Variants in IGSF22 observed in about 807,000 individuals in gnomAD.
IGSF22 encodes immunoglobulin superfamily member 22, also known as immunoglobulin superfamily, member 22.
In IGSF22, 119 loss-of-function variants were observed where a neutral mutation model predicts 127.0. The ratio of observed to expected loss-of-function variants is 0.94; its 90% CI spans 0.81 to 1.09. The LOEUF (loss-of-function observed/expected upper bound fraction) is 1.09. Among genes scored for constraint, IGSF22 ranks in the 50% least tolerant of loss-of-function variants. IGSF22 has a pLI of 0.00. For synonymous variants in IGSF22, 568 were observed against 664.7 expected, an observed-to-expected ratio of 0.85 and a Z score of 2.24; for missense variants, 1,518 against 1,716.6, an observed-to-expected ratio of 0.88 and a Z score of 2.04.
At chr11:18,722,162 G>A (rs914292318) in intron 2 of IGSF22, 121 bp from the exon 3 acceptor site, 22 of 1,181,906 alleles carry the variant, frequency 1.9e-5, no homozygotes, top group Non-Finnish European at 2.4e-5. Context: ...AGGGAAGTGG[G>A]AGCAGGACCA....
chr11:18,706,172 GTGA>G lies in IGSF22; in HGVS notation c.3581-29_3581-27del, dbSNP rs768843445. The stretch of plus-strand genomic sequence containing the variant: ...CTGCGCGGGCGGGGCGGGGCAGGCC[GTGA>G]GGGCGCCCCAAGGCCCCCACCCACC... On this transcript the variant is annotated intron_variant, in intron 21 of 22. Transcript: ENST00000513874. 296 of 1,518,842 alleles carry G rather than the reference GTGA, an allele frequency of 1.9e-4. 9 individuals are homozygous for G. In the South Asian group the frequency reaches 3.5e-3, roughly 18 times the overall value. The allele number at this position is 1,518,842 out of a possible 1,614,324, so 94.1% of individuals were successfully genotyped here. A position where few individuals can be genotyped will look rare whatever the true frequency, so the allele number is the denominator to read the frequency against.
At position 18,709,271 on chromosome 11, in the gene IGSF22, G is replaced by A; in HGVS notation, c.2998+116C>T. ...ACTTTGTCCAGGCACAACAACTATGGATGACTTTTTCATGATCCTAGCATC... is the reference window on the plus strand; with the variant it reads ...ACTTTGTCCAGGCACAACAACTATGAATGACTTTTTCATGATCCTAGCATC... On this transcript the variant is annotated intron_variant, in intron 18 of 22. Coordinates refer to ENST00000513874, the MANE Select transcript of IGSF22 (RefSeq NM_173588.4). The surrounding 1 kb of genome is among the most constrained non-coding windows in gnomAD (Gnocchi z 4.8). The A allele has an allele frequency of 9.0e-7, 1 of 1,109,700 alleles. No homozygotes were observed. Among genetic ancestry groups the A allele is most frequent in the Non-Finnish European group, 1.3e-6 (1 of 778,834 alleles). The allele number at this position is 1,109,700 out of a possible 1,614,324, so 68.7% of individuals were successfully genotyped here. A position where few individuals can be genotyped will look rare whatever the true frequency, so the allele number is the denominator to read the frequency against.
chr11:18,720,019 G>C, intron 6 of IGSF22, 45 bp downstream of exon 6: 2 of 1,612,466 alleles, frequency 1.2e-6, no homozygotes, highest in Non-Finnish European at 1.7e-6. Context: ...GCTTTGGCCT[G>C]GATGAGGAGA....
intron 22 of IGSF22, 195 bp from the exon 23 acceptor site, chr11:18,704,733 G>C (rs2134153402): frequency 1.7e-6 from 1 of 578,744 alleles, no homozygotes. Context: ...CCAGGCAGTT[G>C]TGTACTGTCT....
In IGSF22 at chr11:18,717,545, G is replaced by A. The variant is rs1848485195; in HGVS notation, c.973+386C>T. Among the ~76,000 whole-genome samples the A allele has an allele frequency of 5.3e-5, 8 of 152,188 alleles. No individual in the cohort carries two copies. The South Asian group carries it at 1.7e-3, about 32-fold the overall frequency. On this transcript the variant is annotated intron_variant, in intron 9 of 22. Transcript: ENST00000513874. ...TGGGTAGCTAGGACTACAGGTGTGT[G>A]CCACCATACCTGGCCAATTATTTAT...
At chr11:18,705,786 T>G (rs1175256059) in intron 22 of IGSF22, 31 bp downstream of exon 22, 4 of 1,510,304 alleles carry the variant, frequency 2.6e-6, no homozygotes, top group Non-Finnish European at 2.7e-6. Flanking sequence ...CCTCTCCCCC[T>G]CCTCGAGGCC....
chr11:18,707,293 G>T, intron 20 of IGSF22, 80 bp from the exon 21 acceptor site: 1 of 1,284,372 alleles, frequency 7.8e-7, no homozygotes, highest in Non-Finnish European at 1.0e-6. Context: ...TGCCAAGTCC[G>T]ATGGAAGATA....
chr11:18,715,559 A>G lies in IGSF22; in HGVS notation c.1404T>C (p.His468=). ...TGATCAGCTCTGCTCGCTTGCCCTCATGGTTCATGCTGTACTTAGTGCCAT... is the reference window on the plus strand; with the variant it reads ...TGATCAGCTCTGCTCGCTTGCCCTCGTGGTTCATGCTGTACTTAGTGCCAT... ...LMHGTKYSMN[H]EGKRAELIIE... is the part of the protein sequence containing the mutation. Residue 468 remains histidine (H), a synonymous_variant, in exon 11 of 23, where the codon CAT becomes CAC. Transcript: ENST00000513874. 6 of 1,614,050 alleles carry G rather than the reference A, an allele frequency of 3.7e-6. No homozygotes were observed. The highest frequency in any genetic ancestry group is 5.1e-6 in the Non-Finnish European group (6 of 1,180,004).
rs1162272841 is a variant in IGSF22 at position 18,707,330 on chromosome 11, T to C, written c.3281-117A>G. 4.3e-6 allele frequency: 4 copies of C among 935,952 alleles called. No homozygotes were observed. In the African/African-American group the frequency reaches 6.6e-5, roughly 16 times the overall value. 58.0% of individuals were successfully genotyped at this position (935,952 alleles called of 1,614,324 possible). ...GATGGGGCAAGTCTCAGGCAGCTGG[T>C]GTCTTGGAGTCGGAAAACTATTTCT... On this transcript the variant is annotated intron_variant, in intron 20 of 22. Coordinates refer to ENST00000513874, the MANE Select transcript of IGSF22 (RefSeq NM_173588.4).
chr11:18,707,105 T>C lies in IGSF22; in HGVS notation c.3389A>G (p.Tyr1130Cys). The C allele has an allele frequency of 1.3e-6, 2 of 1,551,676 alleles. No homozygotes were observed. The highest frequency in any genetic ancestry group is 1.7e-6 in the Non-Finnish European group (2 of 1,146,972). Reference protein sequence around the residue: ...PDVQEDGEAHYIIMKRDASTA... With the variant: ...PDVQEDGEAHCIIMKRDASTA... ...GCTTGCATCCCGCTTCATGATGATGTAGTGAGCCTCACCGTCCTCCTGCAC... is the reference window on the plus strand; with the variant it reads ...GCTTGCATCCCGCTTCATGATGATGCAGTGAGCCTCACCGTCCTCCTGCAC... Residue 1130 changes from tyrosine to cysteine, a missense_variant, in exon 21 of 23, where the codon TAC (tyrosine) becomes TGC (cysteine). Tyr to Cys is a radical substitution (Grantham distance 194). Coordinates refer to ENST00000513874, the MANE Select transcript of IGSF22 (RefSeq NM_173588.4).
intron 2 of IGSF22, among the ~76,000 whole-genome samples, chr11:18,722,450 C>G (rs1332082734): frequency 6.6e-6 from 1 of 152,186 alleles, no homozygotes; most frequent in African/African-American, 2.4e-5. Context: ...GAGCTCTGCT[C>G]TAGATTTTCT....
chr11:18,719,613 C>T, intron 7 of IGSF22, 103 bp downstream of exon 7: 2 of 1,141,440 alleles, frequency 1.8e-6, no homozygotes, highest in Non-Finnish European at 2.5e-6. Context: ...TATGTGTGTG[C>T]AGAACTGGGG....
At position 18,713,908 on chromosome 11, in the gene IGSF22, A is replaced by G. The variant is rs752136615; in HGVS notation, c.2039T>C (p.Leu680Pro). 1.7e-5 allele frequency: 28 copies of G among 1,614,086 alleles called. No homozygotes were observed. The highest frequency in any genetic ancestry group is 2.4e-5 in the Non-Finnish European group (28 of 1,180,050). Residue 680 changes from leucine to proline, a missense_variant, in exon 14 of 23, where the codon CTC (leucine) becomes CCC (proline). Coordinates refer to ENST00000513874, the MANE Select transcript of IGSF22 (RefSeq NM_173588.4). ...TGAGCCGTGGTCATTCTTGAGCTTG[A>G]GCAGGATGAGGCCGCTGTCTTCACG... Reference protein sequence around the residue: ...CVREDSGLILLKLKNDHGSAT... With the variant: ...CVREDSGLILPKLKNDHGSAT...
intron 22 of IGSF22, 51 bp from the exon 23 acceptor site, chr11:18,704,589 G>T: frequency 8.4e-7 from 1 of 1,187,504 alleles, no homozygotes; most frequent in Non-Finnish European, 1.2e-6. Flanking sequence ...GGCGACCAGG[G>T]AAATTCCAAA....
rs549046923 is a variant in IGSF22, at chr11:18,712,157, G to C, written c.2323C>G (p.Arg775Gly). Residue 775 changes from arginine to glycine, a missense_variant, in exon 15 of 23, where the codon CGT becomes GGT. By Grantham distance (125) the Arg-to-Gly change is moderately radical (BLOSUM62 -2). Coordinates refer to ENST00000513874, the MANE Select transcript of IGSF22 (RefSeq NM_173588.4). Reference protein sequence around the residue: ...KVEEGKAYQFRILAVNSEGVS... With the variant: ...KVEEGKAYQFGILAVNSEGVS... Reference sequence around the variant, plus strand: ...CCTTCTGAATTGACTGCCAGGATACGGAACTGGTAGGCTTTTCCCTCTTCC... The same window carrying C: ...CCTTCTGAATTGACTGCCAGGATACCGAACTGGTAGGCTTTTCCCTCTTCC... 1 of 1,551,596 alleles carries C rather than the reference G, an allele frequency of 6.4e-7. No individual in the cohort carries two copies. Among genetic ancestry groups the C allele is most frequent in the African/African-American group, 1.4e-5 (1 of 73,042 alleles).
Position 18,715,456 on chromosome 11 carries a change from T to C in IGSF22, c.1507A>G (p.Ser503Gly). 3.7e-6 allele frequency: 6 copies of C among 1,613,030 alleles called. No homozygotes were observed. Among genetic ancestry groups the C allele is most frequent in the Non-Finnish European group, 5.1e-6 (6 of 1,179,874 alleles). Residue 503 changes from serine to glycine, a missense_variant, in exon 11 of 23, where the codon AGT becomes GGT. Coordinates refer to ENST00000513874, the MANE Select transcript of IGSF22 (RefSeq NM_173588.4). ...MQDGDPTEYY[S>G]TAIVTVEERL... ...CCCTCCACAGTGACGATGGCAGTAC[T>C]GTAGTATTCAGTAGGGTCTCCATCC...
Position 18,712,298 on chromosome 11 carries a change from T to C in IGSF22, c.2182A>G (p.Asn728Asp). The C allele has an allele frequency of 6.4e-7, 1 of 1,551,692 alleles. No homozygotes were observed. The highest frequency in any genetic ancestry group is 8.7e-7 in the Non-Finnish European group (1 of 1,146,984). The stretch of plus-strand genomic sequence containing the variant: ...AACTGTGTCACAGGTCGTCCACCAT[T>C]GTCCTTTGGGGCCTTCCACTTCATG... ...VHMKWKAPKDNGGRPVTQFIV... is the reference protein window; with the variant it reads ...VHMKWKAPKDDGGRPVTQFIV... Residue 728 changes from asparagine (N) to aspartate (D), a missense_variant, in exon 15 of 23, where the codon AAT (asparagine) becomes GAT (aspartate). Coordinates refer to ENST00000513874, the MANE Select transcript of IGSF22 (RefSeq NM_173588.4).
At chr11:18,721,849 T>G (rs1590456788) in intron 3 of IGSF22, 61 bp downstream of exon 3, 1 of 1,602,698 alleles carries the variant, frequency 6.2e-7, no homozygotes. Flanking sequence ...GGACGGAGGG[T>G]GGGGGCACTC....
intron 9 of IGSF22, 34 bp from the exon 10 acceptor site, chr11:18,717,034 C>T: frequency 1.2e-6 from 2 of 1,608,122 alleles, no homozygotes; most frequent in East Asian, 2.2e-5. Context: ...AGTCATTGGG[C>T]TGGTCCCTCC....
Sources: allele counts gnomAD v4.1 joint callset (sites outside exome capture counted in the v4.1 genomes callset), GRCh38; gene constraint gnomAD v4.1.1; non-coding constraint Gnocchi (gnomAD v3.1); transcripts MANE v1.5; gene names NCBI Gene and HGNC (gene_info 2026-07-23, HGNC 2026-07-21).